Variants in NR6A1 observed in about 807,000 individuals in gnomAD.
NR6A1 encodes retinoic acid receptor-related testis-associated receptor.
A neutral mutation model predicts 59.1 loss-of-function variants in NR6A1; 7 were observed. The ratio of observed to expected loss-of-function variants is 0.12; its 90% CI spans 0.07 to 0.22. The LOEUF (loss-of-function observed/expected upper bound fraction) is 0.22, where lower values mean the gene tolerates loss of function less well. Among genes scored for constraint, NR6A1 ranks in the 10% least tolerant of loss-of-function variants. The pLI, the probability that NR6A1 is intolerant of heterozygous loss-of-function variation, is 1.00. For missense variants in NR6A1, 468 were observed against 611.6 expected (o/e 0.77, Z 2.48); for synonymous variants, 243 against 236.1 (o/e 1.03, Z -0.27).
chr9:124,735,233 T>A (rs1839990945), intron 1 of NR6A1, among the ~76,000 whole-genome samples: 1 of 152,172 alleles, frequency 6.6e-6, no homozygotes, highest in South Asian at 2.1e-4. Context: ...CTCCTCCTCC[T>A]CCATTTGGTA....
At chr9:124,705,782 CTT>C (rs11351242) in intron 2 of NR6A1, among the ~76,000 whole-genome samples, 126 of 145,678 alleles carry the variant, frequency 8.6e-4, no homozygotes, top group Admixed American at 1.2e-3. Context: ...TCAATCCCCC[CTT>C]TTTTTTTTTT....
At chr9:124,730,927 T>A (rs971772926) in intron 2 of NR6A1, among the ~76,000 whole-genome samples, 1 of 152,192 alleles carries the variant, frequency 6.6e-6, no homozygotes, top group Non-Finnish European at 1.5e-5. Context: ...TATCTGTGTA[T>A]CCCTAGAGTC....
intron 2 of NR6A1, among the ~76,000 whole-genome samples, chr9:124,637,962 G>A (rs1455067295): frequency 1.3e-5 from 2 of 151,824 alleles, no homozygotes; most frequent in Non-Finnish European, 2.9e-5. Flanking sequence ...ATGTTAAATG[G>A]GGCTGCGCAT....
chr9:124,615,557 C>G (rs1168452493), intron 2 of NR6A1, among the ~76,000 whole-genome samples: 1 of 152,086 alleles, frequency 6.6e-6, no homozygotes, highest in African/African-American at 2.4e-5. Context: ...ATTATCCCAA[C>G]CTTCCAACTT....
intron 2 of NR6A1, among the ~76,000 whole-genome samples, chr9:124,642,283 C>G (rs1317485678): frequency 6.6e-6 from 1 of 152,156 alleles, no homozygotes. Flanking sequence ...CTCCTGACCT[C>G]GGGTGATCCG....
intron 2 of NR6A1, among the ~76,000 whole-genome samples, chr9:124,710,765 GT>G (rs1354143508): frequency 6.6e-6 from 1 of 152,164 alleles, no homozygotes; most frequent in African/African-American, 2.4e-5. Context: ...GGGTGGAAAA[GT>G]TGCAAAGATC....
At chr9:124,728,116 T>G (rs531590312) in intron 2 of NR6A1, among the ~76,000 whole-genome samples, 10 of 152,040 alleles carry the variant, frequency 6.6e-5, no homozygotes, top group African/African-American at 2.4e-4. Flanking sequence ...AAGCTCTGCC[T>G]CCCGGGTTCA....
At chr9:124,644,275 T>TTTC (rs1836867165) in intron 2 of NR6A1, among the ~76,000 whole-genome samples, 2 of 142,664 alleles carry the variant, frequency 1.4e-5, no homozygotes, top group Admixed American at 1.4e-4. Flanking sequence ...AGTCTTCTTT[T>TTTC]TTTTTTTTTT....
chr9:124,660,621 G>C (rs1588754091), intron 2 of NR6A1, among the ~76,000 whole-genome samples: 2 of 129,854 alleles, frequency 1.5e-5, no homozygotes, highest in Non-Finnish European at 3.1e-5. Flanking sequence ...TTACAGGCTC[G>C]ATGCACTCCT....
At chr9:124,654,876 A>ACACACACACACC (rs1837209438) in intron 2 of NR6A1, among the ~76,000 whole-genome samples, 1 of 1,068 alleles carries the variant, frequency 9.4e-4, no homozygotes, top group Non-Finnish European at 3.1e-3. Context: ...TTTTTTTTGT[A>ACACACACACACC]CACACACACA....
intron 2 of NR6A1, among the ~76,000 whole-genome samples, chr9:124,709,255 T>C (rs547519531): frequency 1.3e-5 from 2 of 152,228 alleles, no homozygotes; most frequent in Non-Finnish European, 2.9e-5. Context: ...TTCTCTGTTC[T>C]ATTTATATTC....
At chr9:124,606,493 C>G (rs1163784741) in intron 2 of NR6A1, among the ~76,000 whole-genome samples, 1 of 151,680 alleles carries the variant, frequency 6.6e-6, no homozygotes, top group Non-Finnish European at 1.5e-5. Context: ...ATCCATAATT[C>G]TATAGAAAGA....
At chr9:124,749,262 C>CA (rs775689576) in intron 1 of NR6A1, among the ~76,000 whole-genome samples, 2,038 of 94,678 alleles carry the variant, frequency 0.022, 45 homozygotes, top group African/African-American at 0.069. Context: ...AACTCCATTT[C>CA]AAAAAAAAAA....
chr9:124,620,406 A>C (rs1281344885), intron 2 of NR6A1, among the ~76,000 whole-genome samples: 1 of 152,254 alleles, frequency 6.6e-6, no homozygotes, highest in Non-Finnish European at 1.5e-5. Context: ...GTGAATGTTC[A>C]TAGTAGCATT....
chr9:124,585,211 C>G (rs887818298), intron 2 of NR6A1, among the ~76,000 whole-genome samples: 11 of 151,972 alleles, frequency 7.2e-5, no homozygotes, highest in Non-Finnish European at 1.0e-4. Flanking sequence ...GGTTGGCTCA[C>G]GAGGTTGAAG....
chr9:124,577,823 G>C (rs553044248), intron 2 of NR6A1, among the ~76,000 whole-genome samples: 1 of 152,270 alleles, frequency 6.6e-6, no homozygotes, highest in East Asian at 1.9e-4. Context: ...TGAAATTTAA[G>C]GATAAATTAA....
At chr9:124,628,702 G>A (rs775708658) in intron 2 of NR6A1, among the ~76,000 whole-genome samples, 15 of 150,764 alleles carry the variant, frequency 9.9e-5, no homozygotes, top group East Asian at 3.9e-4. Context: ...GTACAATGGC[G>A]TGATCTTGGC....
chr9:124,769,422 G>A (rs1222339715), intron 1 of NR6A1, among the ~76,000 whole-genome samples: 1 of 152,132 alleles, frequency 6.6e-6, no homozygotes, highest in African/African-American at 2.4e-5. Context: ...TGAAGGCACG[G>A]ATCCAACCCA....
chr9:124,613,658 T>C (rs1221865371), intron 2 of NR6A1, among the ~76,000 whole-genome samples: 1 of 151,922 alleles, frequency 6.6e-6, no homozygotes, highest in Non-Finnish European at 1.5e-5. Flanking sequence ...CAAGACTCTA[T>C]CTCAAACAAA....
Sources: gnomAD v4.1 joint callset for allele counts (sites outside exome capture counted in the v4.1 genomes callset) on GRCh38, gnomAD v4.1.1 for gene constraint, MANE v1.5 for transcripts, NCBI Gene and HGNC (gene_info 2026-07-23, HGNC 2026-07-21) for gene names.